CTNNA3: variants seen among roughly 807,000 people sequenced by gnomAD.
The protein encoded by CTNNA3 is catenin alpha-3.
A neutral mutation model predicts 95.7 loss-of-function variants in CTNNA3; 76 were observed. That is an observed-to-expected ratio of 0.79 (90% CI 0.66 to 0.96). The LOEUF (loss-of-function observed/expected upper bound fraction) is 0.96. CTNNA3 is among the 40% of genes least tolerant of loss of function. CTNNA3 has a pLI of 0.00. For missense variants in CTNNA3, 1,191 were observed against 1,089.8 expected, an observed-to-expected ratio of 1.09 and a Z score of -1.31; for synonymous variants, 431 against 374.4, an observed-to-expected ratio of 1.15 and a Z score of -1.74.
At chr10:67,569,357 GA>G (rs1455603071) in intron 3 of CTNNA3, among the ~76,000 whole-genome samples, 2 of 152,232 alleles carry the variant, frequency 1.3e-5, no homozygotes, top group East Asian at 3.9e-4. Flanking sequence ...GCTGATTTAA[GA>G]AATAACAGTA....
chr10:65,985,778 C>T (rs1228841811), intron 16 of CTNNA3, among the ~76,000 whole-genome samples: 2 of 151,378 alleles, frequency 1.3e-5, no homozygotes, highest in African/African-American at 2.4e-5. Flanking sequence ...CTAGCCAGAA[C>T]CATTAGCTAA....
intron 9 of CTNNA3, among the ~76,000 whole-genome samples, chr10:66,630,667 C>G (rs7077296): frequency 0.75 from 114,404 of 151,944 alleles, 44,024 homozygotes; most frequent in African/African-American, 0.89. Context: ...AGAAAGAGCT[C>G]TGATCTCCCC....
At chr10:66,205,584 G>A (rs1196336626) in intron 13 of CTNNA3, among the ~76,000 whole-genome samples, 1 of 151,638 alleles carries the variant, frequency 6.6e-6, no homozygotes, top group Non-Finnish European at 1.5e-5. Flanking sequence ...ATGCAAGGTA[G>A]GAATAGAAAA....
At chr10:66,426,007 A>T (rs577612902) in intron 11 of CTNNA3, among the ~76,000 whole-genome samples, 33 of 152,072 alleles carry the variant, frequency 2.2e-4, no homozygotes, top group South Asian at 4.2e-4. Flanking sequence ...TATTTTTTGT[A>T]TTTTTTATTC....
At chr10:66,883,817 G>A (rs1299939397) in intron 7 of CTNNA3, among the ~76,000 whole-genome samples, 2 of 152,162 alleles carry the variant, frequency 1.3e-5, no homozygotes, top group African/African-American at 4.8e-5. Flanking sequence ...GAAGATGTGA[G>A]AGAGATGAAT....
upstream of CTNNA3, among the ~76,000 whole-genome samples, chr10:67,697,524 G>A (rs528358526): frequency 6.6e-6 from 1 of 152,264 alleles, no homozygotes; most frequent in South Asian, 2.1e-4. Context: ...TACCTGCCCT[G>A]TACCTCTCCT....
At chr10:67,043,137 T>C (rs1345137720) in intron 7 of CTNNA3, among the ~76,000 whole-genome samples, 1 of 40,348 alleles carries the variant, frequency 2.5e-5, no homozygotes, top group Non-Finnish European at 5.1e-5. Flanking sequence ...CTTTCTTTCT[T>C]TTTTTTTTTT....
At chr10:66,183,811 T>A (rs1437985988) in intron 13 of CTNNA3, among the ~76,000 whole-genome samples, 1 of 152,224 alleles carries the variant, frequency 6.6e-6, no homozygotes. Flanking sequence ...AATTATCTTT[T>A]TATCATTGAT....
chr10:67,180,931 G>C (rs1049708204), intron 6 of CTNNA3, among the ~76,000 whole-genome samples: 1 of 152,140 alleles, frequency 6.6e-6, no homozygotes, highest in African/African-American at 2.4e-5. Flanking sequence ...TTTATAGACT[G>C]CACTGTTTAT....
At chr10:66,341,149 T>A (rs2092449479) in intron 12 of CTNNA3, among the ~76,000 whole-genome samples, 1 of 151,768 alleles carries the variant, frequency 6.6e-6, no homozygotes, top group Non-Finnish European at 1.5e-5. Context: ...CATGGATGAG[T>A]TAAAAGAAGA....
At chr10:66,490,682 TG>T (rs1839892672) in intron 11 of CTNNA3, among the ~76,000 whole-genome samples, 1 of 152,184 alleles carries the variant, frequency 6.6e-6, no homozygotes, top group African/African-American at 2.4e-5. Context: ...TCTGCCCACT[TG>T]AACTCATGTG....
intron 11 of CTNNA3, among the ~76,000 whole-genome samples, chr10:66,406,775 C>T (rs1182344953): frequency 6.6e-6 from 1 of 152,058 alleles, no homozygotes; most frequent in Non-Finnish European, 1.5e-5. Flanking sequence ...TGCTCTAAAC[C>T]ACTTCTCCAT....
chr10:67,687,978 G>A (rs1418336004), intron 1 of CTNNA3, among the ~76,000 whole-genome samples: 1 of 152,208 alleles, frequency 6.6e-6, no homozygotes, highest in Non-Finnish European at 1.5e-5. Context: ...TTCTTCGACT[G>A]TCATTCTATC....
chr10:66,857,937 C>A lies in CTNNA3; in HGVS notation c.1048-82413G>T, dbSNP rs547821708. Among the ~76,000 whole-genome samples, 3 of 152,092 alleles carry A rather than the reference C, an allele frequency of 2.0e-5. No homozygotes were observed. The South Asian group carries it at 6.2e-4, about 32-fold the overall frequency. On this transcript the variant is annotated intron_variant, in intron 7 of 17. Coordinates refer to ENST00000433211, the MANE Select transcript of CTNNA3 (RefSeq NM_013266.4). ...ACTGGTCTGGCTAGAACTTTCAGTA[C>A]TATGTTGAGTATGAGTGGTGAGACA...
chr10:66,887,387 T>G (rs1297660059), intron 7 of CTNNA3, among the ~76,000 whole-genome samples: 9 of 152,204 alleles, frequency 5.9e-5, no homozygotes, highest in Non-Finnish European at 1.0e-4. Flanking sequence ...GCCTACTAAC[T>G]CTTTATGCTA....
intron 9 of CTNNA3, among the ~76,000 whole-genome samples, chr10:66,692,970 C>T (rs890329769): frequency 2.0e-5 from 3 of 152,092 alleles, no homozygotes; most frequent in South Asian, 2.1e-4. Flanking sequence ...AAGCACTAAA[C>T]GTGGAAAGCA....
intron 7 of CTNNA3, among the ~76,000 whole-genome samples, chr10:67,074,948 A>G (rs1437907731): frequency 6.6e-6 from 1 of 151,968 alleles, no homozygotes; most frequent in Non-Finnish European, 1.5e-5. Flanking sequence ...GTAGCTCTCT[A>G]CCTCCCTTTT....
At chr10:66,515,084 T>A (rs1840791638) in intron 11 of CTNNA3, among the ~76,000 whole-genome samples, 1 of 152,106 alleles carries the variant, frequency 6.6e-6, no homozygotes, top group African/African-American at 2.4e-5. Context: ...TTACCACATG[T>A]GATCTTCCTC....
chr10:66,978,409 C>T (rs1850188525), intron 7 of CTNNA3, among the ~76,000 whole-genome samples: 1 of 150,222 alleles, frequency 6.7e-6, no homozygotes, highest in South Asian at 2.1e-4. Flanking sequence ...CGCCTGTAAT[C>T]CCAGCTATTC....
Sources: gnomAD v4.1 joint callset for allele counts (sites outside exome capture counted in the v4.1 genomes callset) on GRCh38, gnomAD v4.1.1 for gene constraint, MANE v1.5 for transcripts, NCBI Gene and HGNC (gene_info 2026-07-23, HGNC 2026-07-21) for gene names.